The following CEP164 variants were observed in gnomAD, a reference collection of about 807,000 sequenced individuals.
CEP164 encodes the protein centrosomal protein 164, also known as centrosomal protein of 164 kDa.
In CEP164, 162 loss-of-function variants were observed where a neutral mutation model predicts 182.7. That is an observed-to-expected ratio of 0.89 (90% CI 0.78 to 1.01). CEP164 has a LOEUF of 1.01. CEP164 is among the 50% of genes least tolerant of loss of function. The pLI, the probability that CEP164 is intolerant of heterozygous loss-of-function variation, is 0.00. For synonymous variants in CEP164, 661 were observed against 690.0 expected, an observed-to-expected ratio of 0.96 and a Z score of 0.66; for missense variants, 1,735 against 1,790.4, an observed-to-expected ratio of 0.97 and a Z score of 0.56.
intron 4 of CEP164, among the ~76,000 whole-genome samples, chr11:117,350,495 C>T (rs1261429053): frequency 2.6e-5 from 4 of 152,058 alleles, no homozygotes; most frequent in Non-Finnish European, 4.4e-5. Context: ...TTGCATTTTC[C>T]CAGTGTTTAG....
At chr11:117,344,391 G>A in intron 4 of CEP164, 114 bp downstream of exon 4, 2 of 676,076 alleles carry the variant, frequency 3.0e-6, no homozygotes, top group Non-Finnish European at 5.2e-6. Flanking sequence ...GTACAGTCAG[G>A]GACAGTACTG....
intron 3 of CEP164, among the ~76,000 whole-genome samples, chr11:117,343,952 G>A (rs1392484059): frequency 1.3e-5 from 2 of 151,962 alleles, no homozygotes; most frequent in African/African-American, 4.8e-5. Flanking sequence ...TTTAATGCTT[G>A]GCTTCGGATT....
intron 14 of CEP164, chr11:117,386,406 T>A (rs1223030643): frequency 6.6e-6 from 1 of 152,246 alleles, no homozygotes; most frequent in East Asian, 1.9e-4. Context: ...CAGTCCTTAT[T>A]ACTTTATACA....
At chr11:117,364,967 A>T (rs905207448) in intron 8 of CEP164, among the ~76,000 whole-genome samples, 1 of 152,204 alleles carries the variant, frequency 6.6e-6, no homozygotes, top group Non-Finnish European at 1.5e-5. Context: ...GTCTGCTTTG[A>T]AACTGTTCCT....
At chr11:117,356,501 G>T (rs2040311620) in intron 5 of CEP164, 2 of 1,288,384 alleles carry the variant, frequency 1.6e-6, no homozygotes, top group Non-Finnish European at 2.0e-6. Context: ...TTGGCAAGAG[G>T]CCTCTCAGCA....
At chr11:117,362,807 A>G (rs1250714718) in intron 7 of CEP164, among the ~76,000 whole-genome samples, 1 of 152,144 alleles carries the variant, frequency 6.6e-6, no homozygotes, top group Non-Finnish European at 1.5e-5. Context: ...TACCTATTGA[A>G]TGATAACTTC....
chr11:117,356,405 A>G (rs1236876945), intron 5 of CEP164: 15 of 1,213,422 alleles, frequency 1.2e-5, no homozygotes, highest in African/African-American at 1.1e-4. Context: ...GCACGAGGCC[A>G]TCAGAGTCAT....
chr11:117,394,278 T>C lies in CEP164; in HGVS notation c.2617-72T>C. Reference sequence around the variant, plus strand: ...TCTTACTGATGCAAGGCTGCAGGGCTAGGGGAGCTGTGATTTTTGTGGTAG... The same window carrying C: ...TCTTACTGATGCAAGGCTGCAGGGCCAGGGGAGCTGTGATTTTTGTGGTAG... On this transcript the variant is annotated intron_variant, in intron 20 of 32. Transcript: ENST00000278935. This position sits in a 1 kb window ranked among gnomAD's most constrained non-coding sequence, Gnocchi z 4.0. 6.5e-7 allele frequency: 1 copy of C among 1,542,152 alleles called. No homozygotes were observed. Among genetic ancestry groups the C allele is most frequent in the Non-Finnish European group, 8.8e-7 (1 of 1,140,066 alleles).
At chr11:117,403,220 G>C (rs2046336099) in intron 27 of CEP164, among the ~76,000 whole-genome samples, 1 of 152,244 alleles carries the variant, frequency 6.6e-6, no homozygotes, top group African/African-American at 2.4e-5. Flanking sequence ...TATGATGCTA[G>C]CTGGTTATTT....
At chr11:117,363,300 G>T in intron 7 of CEP164, 129 bp from the exon 8 acceptor site, 1 of 644,062 alleles carries the variant, frequency 1.6e-6, no homozygotes, top group South Asian at 1.8e-5. Flanking sequence ...GTCCTGCTCT[G>T]AGTCCTCTGA....
intron 8 of CEP164, among the ~76,000 whole-genome samples, chr11:117,368,111 T>C (rs1006096663): frequency 9.9e-5 from 15 of 152,090 alleles, no homozygotes; most frequent in Admixed American, 9.2e-4. Context: ...CTGAGGACAA[T>C]AGGGAGCTAA....
chr11:117,359,850 C>T (rs1269542755), intron 5 of CEP164, among the ~76,000 whole-genome samples: 5 of 152,218 alleles, frequency 3.3e-5, no homozygotes, highest in Admixed American at 6.5e-5. Context: ...CCTTGAGCTT[C>T]TCTGCACACC....
At chr11:117,326,071 T>C (rs924614479), upstream of CEP164, among the ~76,000 whole-genome samples, 2 of 151,074 alleles carry the variant, frequency 1.3e-5, no homozygotes, top group African/African-American at 2.4e-5. Flanking sequence ...CCACCATGCC[T>C]GGCTAATTTT....
intron 27 of CEP164, among the ~76,000 whole-genome samples, chr11:117,397,803 A>G (rs1156892444): frequency 3.9e-5 from 6 of 152,172 alleles, no homozygotes; most frequent in Non-Finnish European, 2.9e-5. Context: ...TCCCTCCCAC[A>G]ACACGTGGAA....
intron 1 of CEP164, among the ~76,000 whole-genome samples, chr11:117,329,118 G>A (rs1395707534): frequency 6.6e-6 from 1 of 152,164 alleles, no homozygotes; most frequent in African/African-American, 2.4e-5. Flanking sequence ...CAGGGTCTTG[G>A]TATGTTGCCC....
chr11:117,393,608 C>T (rs1485245645), intron 20 of CEP164, among the ~76,000 whole-genome samples: 1 of 152,160 alleles, frequency 6.6e-6, no homozygotes, highest in African/African-American at 2.4e-5. Flanking sequence ...TCACACCCAG[C>T]CAATAAGTAG....
At chr11:117,336,314 T>G in intron 2 of CEP164, 1 of 1,504,412 alleles carries the variant, frequency 6.6e-7, no homozygotes, top group East Asian at 2.3e-5. Flanking sequence ...TGCATCTTCT[T>G]GTCCGCTGTC....
chr11:117,399,570 C>T (rs2045914191), intron 27 of CEP164, among the ~76,000 whole-genome samples: 1 of 152,242 alleles, frequency 6.6e-6, no homozygotes, highest in Admixed American at 6.5e-5. Flanking sequence ...CTGTCTTCCA[C>T]AGTGGTTGAA....
chr11:117,351,781 C>T lies in CEP164; in HGVS notation c.195-9C>T, dbSNP rs1318615672. The T allele has an allele frequency of 1.9e-6, 3 of 1,612,572 alleles. No homozygotes were observed. The highest frequency in any genetic ancestry group is 1.1e-5 in the South Asian group (1 of 90,888). On this transcript the variant is annotated splice_polypyrimidine_tract_variant and intron_variant, in intron 4 of 32. Coordinates refer to ENST00000278935, the MANE Select transcript of CEP164 (RefSeq NM_014956.5). ...CAGGGACTAACTTCTGAACTCTGCC[C>T]ATCCCCAGCCAGGACATCACAGGTG...
Sources: allele counts gnomAD v4.1 joint callset (sites outside exome capture counted in the v4.1 genomes callset), GRCh38; gene constraint gnomAD v4.1.1; non-coding constraint Gnocchi (gnomAD v3.1); transcripts MANE v1.5; gene names NCBI Gene and HGNC (gene_info 2026-07-23, HGNC 2026-07-21).